Variants in RNGTT observed in about 807,000 individuals in gnomAD.
The protein encoded by RNGTT is RNA guanylyltransferase and 5'-phosphatase.
A neutral mutation model predicts 79.3 loss-of-function variants in RNGTT; 33 were observed. That is an observed-to-expected ratio of 0.42 (90% CI 0.32 to 0.56). The LOEUF is 0.56. RNGTT is among the 20% of genes least tolerant of loss of function. RNGTT has a pLI of 0.17. For synonymous variants in RNGTT, 222 were observed against 235.9 expected (o/e 0.94, Z 0.54); for missense variants, 497 against 739.1 (o/e 0.67, Z 3.80).
chr6:88,797,307 A>G (rs1361196511), intron 12 of RNGTT, among the ~76,000 whole-genome samples: 1 of 152,228 alleles, frequency 6.6e-6, no homozygotes, highest in East Asian at 1.9e-4. Context: ...TAACATGTTC[A>G]GTTTACAGCT....
intron 1 of RNGTT, among the ~76,000 whole-genome samples, chr6:88,949,532 G>A (rs892385995): frequency 6.6e-6 from 1 of 152,128 alleles, no homozygotes; most frequent in African/African-American, 2.4e-5. Context: ...AAAGTGCTGG[G>A]ATTACAGACG....
At chr6:88,883,507 C>T in intron 8 of RNGTT, among the ~76,000 whole-genome samples, 1 of 152,144 alleles carries the variant, frequency 6.6e-6, no homozygotes, top group East Asian at 1.9e-4. Flanking sequence ...CCAAGTGGAT[C>T]AGCATGACTC....
chr6:88,877,815 T>TA lies in RNGTT; in HGVS notation c.896+12679dup, dbSNP rs58526643. ...CTCTGGTAGTCTCACTTCCCCGTGATAAAAAAGAAACACAGGAGCTTTATT... is the reference window on the plus strand; with the variant it reads ...CTCTGGTAGTCTCACTTCCCCGTGATAAAAAAAGAAACACAGGAGCTTTATT... On this transcript the variant is annotated intron_variant, in intron 8 of 15. Transcript: ENST00000369485. Among the ~76,000 whole-genome samples, 3 of 152,134 alleles carry TA rather than the reference T, an allele frequency of 2.0e-5. No individual in the cohort carries two copies. In the East Asian group the frequency reaches 5.9e-4, roughly 30 times the overall value.
At chr6:88,799,262 T>A (rs1582474021) in intron 12 of RNGTT, among the ~76,000 whole-genome samples, 1 of 152,154 alleles carries the variant, frequency 6.6e-6, no homozygotes, top group East Asian at 1.9e-4. Context: ...ATTAAACTCC[T>A]AACAAAAATT....
chr6:88,905,038 G>C lies in RNGTT; in HGVS notation c.444-83C>G. ...CAAAAACTCACTTATTATATTCAAG[G>C]CTCCATATAAAGTACAACAGAAGTT... On this transcript the variant is annotated intron_variant, in intron 5 of 15. Coordinates refer to ENST00000369485, the MANE Select transcript of RNGTT (RefSeq NM_003800.5). 4 of 1,512,698 alleles carry C rather than the reference G, an allele frequency of 2.6e-6. No homozygotes were observed. In the South Asian group the frequency reaches 3.9e-5, roughly 15 times the overall value. The allele number at this position is 1,512,698 out of a possible 1,614,324, so 93.7% of individuals were successfully genotyped here.
At chr6:88,798,024 G>T (rs1381272197) in intron 12 of RNGTT, among the ~76,000 whole-genome samples, 2 of 150,322 alleles carry the variant, frequency 1.3e-5, no homozygotes, top group Non-Finnish European at 3.0e-5. Flanking sequence ...GAGACTGTTT[G>T]GTAAGAGACT....
chr6:88,878,590 C>T (rs1782594349), intron 8 of RNGTT, among the ~76,000 whole-genome samples: 1 of 152,048 alleles, frequency 6.6e-6, no homozygotes, highest in African/African-American at 2.4e-5. Context: ...TTATTTACTG[C>T]TGAATTCCTG....
rs183170353 is a variant in RNGTT at position 88,806,253 on chromosome 6, A to C, written c.1270-4621T>G. Among the ~76,000 whole-genome samples, 5 of 152,154 alleles carry C rather than the reference A, an allele frequency of 3.3e-5. No homozygotes were observed. In the East Asian group the frequency reaches 9.6e-4, roughly 29 times the overall value. ...GGTCTATATTTTGGAATTATCAAAG[A>C]CTTTAAAAATAACATTTACAAAAAA... On this transcript the variant is annotated intron_variant, in intron 11 of 15. Coordinates refer to ENST00000369485, the MANE Select transcript of RNGTT (RefSeq NM_003800.5).
chr6:88,709,515 G>C (rs184349363), intron 13 of RNGTT, among the ~76,000 whole-genome samples: 1 of 152,260 alleles, frequency 6.6e-6, no homozygotes, highest in Admixed American at 6.5e-5. Flanking sequence ...GATCAGTGCT[G>C]TTTAATAGTG....
intron 1 of RNGTT, among the ~76,000 whole-genome samples, chr6:88,956,285 C>T (rs1192047368): frequency 1.3e-5 from 2 of 151,416 alleles, no homozygotes; most frequent in African/African-American, 4.9e-5. Context: ...TACAACCCTC[C>T]TAGATTAAAT....
At chr6:88,760,821 C>T (rs557992677) in intron 13 of RNGTT, among the ~76,000 whole-genome samples, 1 of 151,886 alleles carries the variant, frequency 6.6e-6, no homozygotes, top group South Asian at 2.1e-4. Flanking sequence ...TTTACCACCA[C>T]AATTTCCTTC....
intron 13 of RNGTT, among the ~76,000 whole-genome samples, chr6:88,733,173 C>T (rs1243042618): frequency 6.6e-6 from 1 of 151,952 alleles, no homozygotes; most frequent in Non-Finnish European, 1.5e-5. Context: ...TCAGCCTGGG[C>T]AACATGGCAA....
intron 4 of RNGTT, among the ~76,000 whole-genome samples, chr6:88,918,088 C>A (rs1033418906): frequency 6.6e-6 from 1 of 151,246 alleles, no homozygotes; most frequent in Non-Finnish European, 1.5e-5. Context: ...GAGGCCGAGG[C>A]GGGAATATCA....
chr6:88,729,116 T>C (rs1467783517), intron 13 of RNGTT, among the ~76,000 whole-genome samples: 3 of 152,176 alleles, frequency 2.0e-5, no homozygotes, highest in Non-Finnish European at 4.4e-5. Flanking sequence ...GGGTCAGCCC[T>C]GAGGGCCATC....
chr6:88,843,017 G>A (rs189655793), intron 11 of RNGTT, among the ~76,000 whole-genome samples: 63 of 152,148 alleles, frequency 4.1e-4, no homozygotes, highest in African/African-American at 1.5e-3. Context: ...CAAGGCTGTG[G>A]TGAGCCGAGA....
intron 8 of RNGTT, among the ~76,000 whole-genome samples, chr6:88,861,852 C>T (rs1454101902): frequency 6.6e-6 from 1 of 152,092 alleles, no homozygotes; most frequent in Non-Finnish European, 1.5e-5. Flanking sequence ...TCTTATGTTA[C>T]AATGGCAGTT....
chr6:88,640,267 A>C (rs1005181270), intron 14 of RNGTT, among the ~76,000 whole-genome samples: 1 of 151,974 alleles, frequency 6.6e-6, no homozygotes, highest in Non-Finnish European at 1.5e-5. Context: ...TCGAGCAATA[A>C]AGGCCAGTGC....
chr6:88,931,236 T>C (rs1784506041), intron 2 of RNGTT, among the ~76,000 whole-genome samples: 2 of 140,776 alleles, frequency 1.4e-5, no homozygotes, highest in South Asian at 2.3e-4. Flanking sequence ...TGTGCTAATA[T>C]ATGAAGATCT....
intron 8 of RNGTT, among the ~76,000 whole-genome samples, chr6:88,863,229 G>A (rs1022142721): frequency 6.6e-6 from 1 of 152,056 alleles, no homozygotes; most frequent in African/African-American, 2.4e-5. Flanking sequence ...TATATTAAAC[G>A]GCAGGCCAGC....
Sources: allele counts gnomAD v4.1 joint callset (sites outside exome capture counted in the v4.1 genomes callset), GRCh38; gene constraint gnomAD v4.1.1; transcripts MANE v1.5; gene names NCBI Gene and HGNC (gene_info 2026-07-23, HGNC 2026-07-21).